The following TMC2 variants were observed in gnomAD, a reference collection of about 807,000 sequenced individuals.
TMC2 encodes transmembrane channel like 2, also known as transmembrane channel-like protein 2.
Under a neutral mutation model 105.9 loss-of-function variants are expected in TMC2, and 102 were observed. The ratio of observed to expected loss-of-function variants is 0.96; its 90% CI spans 0.82 to 1.14. TMC2 has a LOEUF of 1.14. TMC2 is among the 50% of genes most tolerant of loss of function. TMC2 has a pLI of 0.00. For synonymous variants in TMC2, 402 were observed against 422.8 expected (o/e 0.95, Z 0.60); for missense variants, 1,093 against 1,134.3 (o/e 0.96, Z 0.52).
chr20:2,537,506 G>A (rs1341584527), intron 2 of TMC2, among the ~76,000 whole-genome samples, 190 bp downstream of exon 2: 1 of 152,154 alleles, frequency 6.6e-6, no homozygotes, highest in Non-Finnish European at 1.5e-5. Flanking sequence ...CAGAGAAGGT[G>A]CTGCTCAGCC....
Position 2,616,389 on chromosome 20 carries a change from C to A in TMC2, c.1940+185C>A, listed in dbSNP as rs538155274. Among the ~76,000 whole-genome samples the A allele has an allele frequency of 1.3e-5, 2 of 152,014 alleles. No homozygotes were observed. Among genetic ancestry groups the A allele is most frequent in the East Asian group, 3.9e-4 (2 of 5,166 alleles). On this transcript the variant is annotated intron_variant, in intron 15 of 19. Transcript: ENST00000358864. The surrounding 1 kb of genome is among the most constrained non-coding windows in gnomAD (Gnocchi z 4.8). Reference sequence around the variant, plus strand: ...GAAGCAGGACAGTTTCTGGCCCACCCATGTGCTACCATAGAAGTAGAGAGA... The same window carrying A: ...GAAGCAGGACAGTTTCTGGCCCACCAATGTGCTACCATAGAAGTAGAGAGA...
At chr20:2,553,193 C>A (rs963428514) in intron 2 of TMC2, among the ~76,000 whole-genome samples, 3 of 152,184 alleles carry the variant, frequency 2.0e-5, no homozygotes, top group Non-Finnish European at 4.4e-5. Flanking sequence ...GGGAAAGTAT[C>A]TAGTTTCTCA....
At chr20:2,541,491 A>C (rs2085889497) in intron 2 of TMC2, among the ~76,000 whole-genome samples, 1 of 152,024 alleles carries the variant, frequency 6.6e-6, no homozygotes, top group Non-Finnish European at 1.5e-5. Context: ...AAATACAATA[A>C]TTAGGCAGGT....
chr20:2,593,416 A>C (rs2086282841), intron 8 of TMC2, among the ~76,000 whole-genome samples: 1 of 152,210 alleles, frequency 6.6e-6, no homozygotes, highest in Non-Finnish European at 1.5e-5. Flanking sequence ...ATATCTGAGG[A>C]GGAAGAAAAT....
At position 2,558,836 on chromosome 20, in the gene TMC2, C is replaced by A; in HGVS notation, c.401+62C>A. On this transcript the variant is annotated intron_variant, in intron 3 of 19. Coordinates refer to ENST00000358864, the MANE Select transcript of TMC2 (RefSeq NM_080751.3). This position sits in a 1 kb window ranked among gnomAD's most constrained non-coding sequence, Gnocchi z 4.6. The stretch of plus-strand genomic sequence containing the variant: ...GCGCTCCCGCTCCTTCGCGGCCCTT[C>A]CCCTTCCCCCGTGAGGGACTGATGC... 1 of 1,457,732 alleles carries A rather than the reference C, an allele frequency of 6.9e-7. No homozygotes were observed. Among genetic ancestry groups the A allele is most frequent in the Non-Finnish European group, 9.1e-7 (1 of 1,099,306 alleles). 90.3% of individuals were successfully genotyped at this position (1,457,732 alleles called of 1,614,324 possible).
At chr20:2,556,709 A>G (rs1022146742) in intron 2 of TMC2, among the ~76,000 whole-genome samples, 1 of 152,252 alleles carries the variant, frequency 6.6e-6, no homozygotes, top group African/African-American at 2.4e-5. Flanking sequence ...ACTGCACTCC[A>G]GCCTAGGCAA....
At chr20:2,555,692 T>C (rs1473848761) in intron 2 of TMC2, among the ~76,000 whole-genome samples, 4 of 152,252 alleles carry the variant, frequency 2.6e-5, no homozygotes, top group Admixed American at 1.3e-4. Flanking sequence ...GGTTTCTCTT[T>C]GATGTCCTTG....
intron 6 of TMC2, among the ~76,000 whole-genome samples, chr20:2,579,714 G>T (rs901979507): frequency 6.6e-6 from 1 of 151,970 alleles, no homozygotes; most frequent in African/African-American, 2.4e-5. Flanking sequence ...GTGAGCCACC[G>T]CACTCATCCC....
intron 17 of TMC2, among the ~76,000 whole-genome samples, chr20:2,634,955 A>G (rs1015575191): frequency 1.3e-5 from 2 of 152,206 alleles, no homozygotes; most frequent in Non-Finnish European, 2.9e-5. Context: ...CACAGGCTCT[A>G]TTGAGGCAGT....
At chr20:2,627,942 C>T (rs982944721) in intron 17 of TMC2, among the ~76,000 whole-genome samples, 1 of 152,078 alleles carries the variant, frequency 6.6e-6, no homozygotes, top group Admixed American at 6.6e-5. Context: ...CCGAGGTGGG[C>T]AGATCACCTG....
chr20:2,584,410 C>T (rs1444110156), intron 7 of TMC2, among the ~76,000 whole-genome samples: 1 of 143,920 alleles, frequency 6.9e-6, no homozygotes, highest in African/African-American at 2.7e-5. Flanking sequence ...CGCCACTGCA[C>T]TCCAGCCTGG....
At chr20:2,540,713 G>T (rs1352380998) in intron 2 of TMC2, among the ~76,000 whole-genome samples, 70 of 150,548 alleles carry the variant, frequency 4.6e-4, no homozygotes, top group Non-Finnish European at 7.4e-5. Flanking sequence ...ACCCATGTTT[G>T]GTGCCTCTTT....
chr20:2,635,912 CT>C lies in TMC2; in HGVS notation c.2307-10del. The C allele has an allele frequency of 6.2e-7, 1 of 1,612,258 alleles. No individual in the cohort carries two copies. The highest frequency in any genetic ancestry group is 8.5e-7 in the Non-Finnish European group (1 of 1,178,308). ...AGATCACGGGACCATAGGAGGCATGCTTTTCTCTTGCAGCTTGGCCATTTAC... is the reference window on the plus strand; with the variant it reads ...AGATCACGGGACCATAGGAGGCATGCTTTCTCTTGCAGCTTGGCCATTTAC... On this transcript the variant is annotated splice_polypyrimidine_tract_variant and intron_variant, in intron 17 of 19. Transcript: ENST00000358864.
chr20:2,600,696 T>C (rs1600122978), intron 10 of TMC2, among the ~76,000 whole-genome samples: 1 of 151,798 alleles, frequency 6.6e-6, no homozygotes, highest in Non-Finnish European at 1.5e-5. Flanking sequence ...TGGTGGCGGG[T>C]GCCTGTAGTT....
chr20:2,602,909 T>A (rs775249854), intron 11 of TMC2, among the ~76,000 whole-genome samples: 3 of 152,232 alleles, frequency 2.0e-5, no homozygotes, highest in Non-Finnish European at 4.4e-5. Context: ...AGAGGTGGAA[T>A]CTGTGTCCTC....
intron 16 of TMC2, chr20:2,617,816 T>C (rs372512744): frequency 6.3e-6 from 1 of 158,914 alleles, no homozygotes; most frequent in African/African-American, 2.4e-5. Flanking sequence ...GTTCAAGCGA[T>C]TCTCATGCCT....
intron 8 of TMC2, among the ~76,000 whole-genome samples, chr20:2,593,286 C>T (rs2146211577): frequency 6.6e-6 from 1 of 152,282 alleles, no homozygotes; most frequent in East Asian, 1.9e-4. Flanking sequence ...CCCACCAGGT[C>T]CCTCCCTCAA....
At chr20:2,539,837 C>T (rs1307156910) in intron 2 of TMC2, among the ~76,000 whole-genome samples, 1 of 152,090 alleles carries the variant, frequency 6.6e-6, no homozygotes, top group Non-Finnish European at 1.5e-5. Flanking sequence ...TTTACGTTGT[C>T]TTATCAAAGA....
Position 2,572,162 on chromosome 20 carries a change from T to A in TMC2, c.555-17T>A, listed in dbSNP as rs201741399. 378 of 1,594,294 alleles carry A rather than the reference T, an allele frequency of 2.4e-4. No homozygotes were observed. The highest frequency in any genetic ancestry group is 3.0e-4 in the Non-Finnish European group (345 of 1,164,916). ...GGTGCTAACTGAAATCCTGCTTTTT[T>A]TTTTTTTTCTAAGCAGGGAGGCCCA... On this transcript the variant is annotated splice_polypyrimidine_tract_variant and intron_variant, in intron 4 of 19. Transcript: ENST00000358864.
Sources: gnomAD v4.1 joint callset for allele counts (sites outside exome capture counted in the v4.1 genomes callset) on GRCh38, gnomAD v4.1.1 for gene constraint, Gnocchi (gnomAD v3.1) non-coding constraint, MANE v1.5 for transcripts, NCBI Gene and HGNC (gene_info 2026-07-23, HGNC 2026-07-21) for gene names.